Variants in SCFD2 observed in about 807,000 individuals in gnomAD.
SCFD2 encodes sec1 family domain-containing protein 2.
In SCFD2, 54 loss-of-function variants were observed where a neutral mutation model predicts 58.9. That is an observed-to-expected ratio of 0.92 (90% CI 0.74 to 1.15). The LOEUF (loss-of-function observed/expected upper bound fraction) is 1.15. Among genes scored for constraint, SCFD2 ranks in the 50% most tolerant of loss-of-function variants. The pLI is 0.00. For missense variants in SCFD2, 805 were observed against 836.6 expected (o/e 0.96, Z 0.47); for synonymous variants, 321 against 335.9 (o/e 0.96, Z 0.49).
chr4:53,082,066 G>C (rs1724164817), intron 5 of SCFD2, among the ~76,000 whole-genome samples: 1 of 152,098 alleles, frequency 6.6e-6, no homozygotes, highest in Non-Finnish European at 1.5e-5. Flanking sequence ...ATATTGTATG[G>C]ATATAACACA....
chr4:53,020,880 G>A (rs1262296903), intron 5 of SCFD2, among the ~76,000 whole-genome samples: 1 of 152,158 alleles, frequency 6.6e-6, no homozygotes, highest in Non-Finnish European at 1.5e-5. Context: ...TGAAAATTTG[G>A]TGTGAAGGGT....
At chr4:53,099,941 C>T (rs80183905) in intron 5 of SCFD2, among the ~76,000 whole-genome samples, 1 of 152,076 alleles carries the variant, frequency 6.6e-6, no homozygotes, top group Non-Finnish European at 1.5e-5. Flanking sequence ...GGAAAAGACA[C>T]TGAATTGAAC....
At chr4:52,906,508 C>T (rs1719352012) in intron 7 of SCFD2, among the ~76,000 whole-genome samples, 1 of 152,142 alleles carries the variant, frequency 6.6e-6, no homozygotes, top group African/African-American at 2.4e-5. Flanking sequence ...GATTACACTG[C>T]TTTATTAAAA....
chr4:53,148,010 C>T (rs1282488580), intron 4 of SCFD2, among the ~76,000 whole-genome samples: 2 of 152,048 alleles, frequency 1.3e-5, no homozygotes, highest in African/African-American at 4.8e-5. Context: ...ATGAAGGCTG[C>T]AGCTTTCATT....
rs1734697639 is a variant in SCFD2 at position 53,366,020 on chromosome 4, G to A, written c.-79C>T. ...TCACCGCTTCCGGAAATTGGGCTCC[G>A]GGAGACTTTGACAGTCTCCACAGTA... On this transcript the variant is annotated 5_prime_UTR_variant, in exon 1 of 9. Coordinates refer to ENST00000401642, the MANE Select transcript of SCFD2 (RefSeq NM_152540.4). 1.2e-5 allele frequency: 18 copies of A among 1,484,244 alleles called. No homozygotes were observed. The highest frequency in any genetic ancestry group is 1.4e-5 in the Non-Finnish European group (16 of 1,118,814). 91.9% of individuals were successfully genotyped at this position (1,484,244 alleles called of 1,614,324 possible).
intron 3 of SCFD2, among the ~76,000 whole-genome samples, chr4:53,299,137 G>T (rs1288877500): frequency 6.6e-6 from 1 of 151,960 alleles, no homozygotes; most frequent in East Asian, 1.9e-4. Context: ...TCAGAAGATC[G>T]AACTACTCTG....
chr4:53,178,031 C>T (rs1244450612), intron 4 of SCFD2, among the ~76,000 whole-genome samples: 1 of 152,176 alleles, frequency 6.6e-6, no homozygotes, highest in Non-Finnish European at 1.5e-5. Context: ...TGGGTGGAGC[C>T]CACCACAGCT....
intron 4 of SCFD2, among the ~76,000 whole-genome samples, chr4:53,255,881 G>T: frequency 7.1e-6 from 1 of 140,894 alleles, no homozygotes; most frequent in Non-Finnish European, 1.6e-5. Flanking sequence ...GCGGCTGGCC[G>T]GGCAGAGGGG....
At chr4:53,300,241 G>A (rs1021134128) in intron 3 of SCFD2, among the ~76,000 whole-genome samples, 17 of 152,204 alleles carry the variant, frequency 1.1e-4, no homozygotes, top group African/African-American at 3.4e-4. Context: ...TCAAAATAAA[G>A]GGATGGAGGA....
rs370050861 is a variant in SCFD2 at position 53,301,384 on chromosome 4, C to A, written c.1135+12252G>T. Among the ~76,000 whole-genome samples the A allele has an allele frequency of 5.1e-4, 78 of 152,210 alleles. No individual in the cohort carries two copies. In the East Asian group the frequency reaches 0.014, roughly 28 times the overall value. On this transcript the variant is annotated intron_variant, in intron 3 of 8. Transcript: ENST00000401642. ...ATAAATTCCTCAACACATACACTCT[C>A]CCAAGACTAAACCAGGAAGAGGTTG...
At chr4:53,166,389 C>G (rs1280569341) in intron 4 of SCFD2, among the ~76,000 whole-genome samples, 1 of 152,142 alleles carries the variant, frequency 6.6e-6, no homozygotes, top group East Asian at 1.9e-4. Flanking sequence ...GAAAAAAAAT[C>G]TGTGAAACAA....
At chr4:53,180,734 A>G (rs998550130) in intron 4 of SCFD2, among the ~76,000 whole-genome samples, 2 of 152,188 alleles carry the variant, frequency 1.3e-5, no homozygotes, top group Non-Finnish European at 2.9e-5. Flanking sequence ...GAAAAGATCA[A>G]CAAAATTGAT....
At chr4:53,314,065 A>AAC (rs1732784321) in intron 2 of SCFD2, among the ~76,000 whole-genome samples, 2 of 152,240 alleles carry the variant, frequency 1.3e-5, no homozygotes, top group African/African-American at 4.8e-5. Flanking sequence ...TAAATCTTTC[A>AAC]GAATTCAACT....
At chr4:52,911,001 A>C (rs181144221) in intron 6 of SCFD2, among the ~76,000 whole-genome samples, 2 of 152,214 alleles carry the variant, frequency 1.3e-5, no homozygotes, top group East Asian at 3.9e-4. Context: ...AGTCTCGGGA[A>C]TGTCTTTATT....
At chr4:53,282,514 C>G (rs1376624995) in intron 3 of SCFD2, among the ~76,000 whole-genome samples, 1 of 149,182 alleles carries the variant, frequency 6.7e-6, no homozygotes, top group Non-Finnish European at 1.5e-5. Context: ...TATAAAATTC[C>G]CCCCTTAAAG....
intron 4 of SCFD2, among the ~76,000 whole-genome samples, chr4:53,239,037 C>T (rs551352646): frequency 1.8e-4 from 27 of 151,832 alleles, no homozygotes; most frequent in South Asian, 6.3e-4. Context: ...TGTAGCGAGC[C>T]GAGATCACGC....
At chr4:53,258,538 G>GTGTA (rs1360142906) in intron 4 of SCFD2, among the ~76,000 whole-genome samples, 28 of 119,932 alleles carry the variant, frequency 2.3e-4, no homozygotes, top group Non-Finnish European at 2.0e-4. Context: ...TGGTGTGTGT[G>GTGTA]TATATATATA....
At chr4:53,274,428 T>C (rs1435415514) in intron 3 of SCFD2, among the ~76,000 whole-genome samples, 3 of 152,156 alleles carry the variant, frequency 2.0e-5, no homozygotes, top group Admixed American at 1.3e-4. Flanking sequence ...TAAAAGAAGA[T>C]GAGAAATAGA....
Position 53,334,664 on chromosome 4 carries a change from G to C in SCFD2, c.1007+17934C>G, listed in dbSNP as rs544378147. 1.3e-3 allele frequency among the ~76,000 whole-genome samples: 190 copies of C among 151,762 alleles called. 1 individual carries two copies. The highest frequency in any genetic ancestry group is 4.3e-3 in the African/African-American group (179 of 41,358). ...ATACCTAATGCTAGATGACGAGTTA[G>C]TGGGTGCAGCGCACCAGCATGGCAC... On this transcript the variant is annotated intron_variant, in intron 2 of 8. Transcript: ENST00000401642.
Sources: allele counts gnomAD v4.1 joint callset (sites outside exome capture counted in the v4.1 genomes callset), GRCh38; gene constraint gnomAD v4.1.1; transcripts MANE v1.5; gene names NCBI Gene and HGNC (gene_info 2026-07-23, HGNC 2026-07-21).